LRRC7: variants seen among roughly 807,000 people sequenced by gnomAD.
LRRC7 encodes leucine-rich repeat-containing protein 7.
A neutral mutation model predicts 175.7 loss-of-function variants in LRRC7; 23 were observed. That is an observed-to-expected ratio of 0.13 (90% CI 0.09 to 0.19). The LOEUF (loss-of-function observed/expected upper bound fraction) is 0.19, where lower values mean the gene tolerates loss of function less well. Among genes scored for constraint, LRRC7 ranks in the 10% least tolerant of loss-of-function variants. LRRC7 has a pLI of 1.00. For missense variants in LRRC7, 1,354 were observed against 1,904.7 expected, an observed-to-expected ratio of 0.71 and a Z score of 5.38; for synonymous variants, 685 against 680.9, an observed-to-expected ratio of 1.01 and a Z score of -0.09.
In LRRC7 at chr1:70,133,468, G is replaced by A. The variant is rs375693244; in HGVS notation, c.*11581G>A. On this transcript the variant is annotated 3_prime_UTR_variant, in exon 27 of 27. Coordinates refer to ENST00000651989, the MANE Select transcript of LRRC7 (RefSeq NM_001370785.2). ...ACACCTGGGCTCTATCGATCCGACCGCCTCGGCCTCCCAAAGTGCTGGGAT... is the reference window on the plus strand; with the variant it reads ...ACACCTGGGCTCTATCGATCCGACCACCTCGGCCTCCCAAAGTGCTGGGAT... 2.0e-5 allele frequency among the ~76,000 whole-genome samples: 3 copies of A among 152,188 alleles called. No homozygotes were observed. The highest frequency in any genetic ancestry group is 2.1e-4 in the South Asian group (1 of 4,824).
intron 1 of LRRC7, among the ~76,000 whole-genome samples, chr1:69,672,190 G>A (rs953037378): frequency 6.6e-6 from 1 of 151,976 alleles, no homozygotes; most frequent in Admixed American, 6.6e-5. Flanking sequence ...ATCAGGGTGG[G>A]GTGGTGATGA....
intron 1 of LRRC7, among the ~76,000 whole-genome samples, chr1:69,587,300 T>C (rs1429025483): frequency 1.3e-5 from 2 of 152,170 alleles, no homozygotes; most frequent in Non-Finnish European, 2.9e-5. Flanking sequence ...TCTCTCATTG[T>C]ACCCACAACA....
At chr1:70,022,919 A>G (rs1230260094) in intron 16 of LRRC7, among the ~76,000 whole-genome samples, 1 of 152,192 alleles carries the variant, frequency 6.6e-6, no homozygotes, top group Non-Finnish European at 1.5e-5. Context: ...TGTAGTATGA[A>G]TGCTGCATTG....
At chr1:69,947,137 A>AATCAATC (rs1649419221) in intron 8 of LRRC7, among the ~76,000 whole-genome samples, 2 of 151,714 alleles carry the variant, frequency 1.3e-5, no homozygotes, top group African/African-American at 4.8e-5. Context: ...ATAAATAAAT[A>AATCAATC]AATAAATAAA....
At chr1:69,997,073 T>C (rs926531546) in intron 11 of LRRC7, among the ~76,000 whole-genome samples, 4 of 152,090 alleles carry the variant, frequency 2.6e-5, no homozygotes, top group South Asian at 2.1e-4. Flanking sequence ...CTTTTATTTC[T>C]TTGAGCAGTG....
At chr1:69,949,237 C>G (rs1195759327) in intron 8 of LRRC7, among the ~76,000 whole-genome samples, 1 of 152,112 alleles carries the variant, frequency 6.6e-6, no homozygotes, top group Non-Finnish European at 1.5e-5. Flanking sequence ...ACTTCTTTCT[C>G]TATGCATTTA....
chr1:69,719,282 A>G (rs977429676), intron 2 of LRRC7, among the ~76,000 whole-genome samples: 2 of 151,772 alleles, frequency 1.3e-5, no homozygotes, highest in African/African-American at 4.8e-5. Flanking sequence ...TTTGGCATAG[A>G]CTAGGTACTC....
chr1:69,748,166 G>A (rs1350029085), intron 2 of LRRC7, among the ~76,000 whole-genome samples: 1 of 152,062 alleles, frequency 6.6e-6, no homozygotes, highest in African/African-American at 2.4e-5. Flanking sequence ...TATCCCGAAG[G>A]CACAAGTACA....
intron 23 of LRRC7, among the ~76,000 whole-genome samples, chr1:70,064,637 A>ATT (rs201072743): frequency 0.026 from 3,880 of 146,690 alleles, 114 homozygotes; most frequent in African/African-American, 0.075. Context: ...ACTGCTTGGT[A>ATT]TTTTGTTGTT....
intron 1 of LRRC7, among the ~76,000 whole-genome samples, chr1:69,614,296 G>C (rs1416164540): frequency 2.0e-5 from 3 of 152,008 alleles, no homozygotes; most frequent in Non-Finnish European, 4.4e-5. Context: ...CCTCTCCTCA[G>C]ATTTTGTTGT....
At chr1:69,634,828 C>T (rs1653068380) in intron 1 of LRRC7, among the ~76,000 whole-genome samples, 1 of 152,092 alleles carries the variant, frequency 6.6e-6, no homozygotes, top group South Asian at 2.1e-4. Context: ...ATCCTAATGA[C>T]AGAGTCAGAC....
Position 69,888,487 on chromosome 1 carries a change from C to T in LRRC7, c.648-43020C>T, listed in dbSNP as rs570775195. Among the ~76,000 whole-genome samples, 112 of 152,164 alleles carry T rather than the reference C, an allele frequency of 7.4e-4. 2 individuals are homozygous for T. The highest frequency in any genetic ancestry group is 2.3e-3 in the African/African-American group (94 of 41,500). On this transcript the variant is annotated intron_variant, in intron 7 of 26. Transcript: ENST00000651989. ...GCCCTGCTTTGGCTCGCGCACGGTG[C>T]GCGCACCCACTGACCTGCACCCACT... is the stretch of plus-strand genomic sequence containing the variant.
At chr1:69,768,267 G>A (rs1044627825) in intron 3 of LRRC7, among the ~76,000 whole-genome samples, 3 of 152,140 alleles carry the variant, frequency 2.0e-5, no homozygotes, top group Admixed American at 2.0e-4. Context: ...CAACTGTGCT[G>A]GAGCAGTTTG....
In LRRC7 at chr1:70,134,539, C is replaced by G. The variant is rs1558096017; in HGVS notation, c.*12652C>G. ...GCCAACCATTTAATCTTTTTTTCTT[C>G]CAACCCGGAGCAAAGGTAGAGGGAA... On this transcript the variant is annotated 3_prime_UTR_variant, in exon 27 of 27. Coordinates refer to ENST00000651989, the MANE Select transcript of LRRC7 (RefSeq NM_001370785.2). Among the ~76,000 whole-genome samples the G allele has an allele frequency of 6.6e-6, 1 of 152,058 alleles. No homozygotes were observed. The highest frequency in any genetic ancestry group is 1.5e-5 in the Non-Finnish European group (1 of 68,002).
At chr1:70,101,220 T>C (rs530978088) in intron 25 of LRRC7, among the ~76,000 whole-genome samples, 2 of 152,296 alleles carry the variant, frequency 1.3e-5, no homozygotes, top group African/African-American at 4.8e-5. Flanking sequence ...CTAGAAACAC[T>C]CTTTGAACTT....
At chr1:70,002,006 T>TTATA in intron 11 of LRRC7, among the ~76,000 whole-genome samples, 1 of 152,200 alleles carries the variant, frequency 6.6e-6, no homozygotes, top group East Asian at 1.9e-4. Flanking sequence ...TGATGCGTCT[T>TTATA]TATATATATA....
chr1:70,117,934 T>C (rs925476322), intron 26 of LRRC7, among the ~76,000 whole-genome samples: 1 of 152,206 alleles, frequency 6.6e-6, no homozygotes, highest in Non-Finnish European at 1.5e-5. Context: ...ATAGTATGCA[T>C]GTATTTACTA....
chr1:69,836,841 T>A (rs1018089919), intron 6 of LRRC7, among the ~76,000 whole-genome samples: 1 of 151,490 alleles, frequency 6.6e-6, no homozygotes, highest in African/African-American at 2.4e-5. Flanking sequence ...AGATTAATCA[T>A]TATAAGATTA....
intron 23 of LRRC7, among the ~76,000 whole-genome samples, chr1:70,057,530 G>A (rs1661243184): frequency 1.3e-5 from 2 of 152,170 alleles, no homozygotes; most frequent in East Asian, 3.9e-4. Flanking sequence ...AATCAAAGGA[G>A]AATAAGTGGT....
Sources: allele counts gnomAD v4.1 joint callset (sites outside exome capture counted in the v4.1 genomes callset), GRCh38; gene constraint gnomAD v4.1.1; transcripts MANE v1.5; gene names NCBI Gene and HGNC (gene_info 2026-07-23, HGNC 2026-07-21).